Variants in TMC5 observed in about 807,000 individuals in gnomAD.
TMC5 encodes transmembrane channel like 5.
Under a neutral mutation model 110.5 loss-of-function variants are expected in TMC5, and 86 were observed. The ratio of observed to expected loss-of-function variants is 0.78; its 90% CI spans 0.65 to 0.93. The LOEUF is 0.93. Ranked by LOEUF, TMC5 falls within the 40% of genes least tolerant of loss-of-function variation. TMC5 has a pLI of 0.00. For synonymous variants in TMC5, 455 were observed against 439.5 expected (o/e 1.04, Z -0.44); for missense variants, 1,144 against 1,222.8 (o/e 0.94, Z 0.96).
At chr16:19,434,273 T>C (rs1567300482) in intron 2 of TMC5, among the ~76,000 whole-genome samples, 1 of 110,926 alleles carries the variant, frequency 9.0e-6, no homozygotes, top group Admixed American at 1.2e-4. Context: ...ATAATATATA[T>C]AGATCTATAT....
rs1968096835 is a variant in TMC5, at chr16:19,464,043, C to G, written c.1485+19C>G. 1.2e-6 allele frequency: 2 copies of G among 1,610,890 alleles called. No homozygotes were observed. The highest frequency in any genetic ancestry group is 4.5e-5 in the East Asian group (2 of 44,844). On this transcript the variant is annotated intron_variant, in intron 8 of 21. Coordinates refer to ENST00000542583, the MANE Select transcript of TMC5 (RefSeq NM_001261841.2). ...TGGGGTGGTAAGTCCTCCACTTCCC[C>G]TACCCCAAGTGCACCAATCACCTCG...
chr16:19,484,770 GAAAAAAA>G (rs79947486), intron 15 of TMC5, among the ~76,000 whole-genome samples: 2 of 103,986 alleles, frequency 1.9e-5, no homozygotes, highest in Non-Finnish European at 4.3e-5. Flanking sequence ...TCTCAAAAAG[GAAAAAAA>G]AAAAAAAAAG....
chr16:19,492,912 T>TTCTATATATATATATATATATA (rs1968943130), intron 19 of TMC5, among the ~76,000 whole-genome samples: 1 of 55,420 alleles, frequency 1.8e-5, no homozygotes, highest in African/African-American at 4.5e-5. Flanking sequence ...TTATTAAAAC[T>TTCTATATATATATATATATATA]TAGATATATA....
chr16:19,442,734 A>G (rs1229858296), intron 3 of TMC5, among the ~76,000 whole-genome samples: 1 of 152,190 alleles, frequency 6.6e-6, no homozygotes, highest in Non-Finnish European at 1.5e-5. Flanking sequence ...TGTTTCTACT[A>G]GTAATATTTA....
intron 19 of TMC5, among the ~76,000 whole-genome samples, chr16:19,492,942 A>ATATATATAT (rs57619005): frequency 4.6e-4 from 50 of 107,538 alleles, no homozygotes; most frequent in Non-Finnish European, 6.7e-4. Flanking sequence ...ATCTCTCTAT[A>ATATATATAT]AGATAAATAC....
chr16:19,491,142 T>C (rs912663034), intron 18 of TMC5, among the ~76,000 whole-genome samples: 1 of 152,080 alleles, frequency 6.6e-6, no homozygotes, highest in Non-Finnish European at 1.5e-5. Context: ...CCCAAGTAGC[T>C]GGGCTTGCAG....
chr16:19,463,680 CCA>C, intron 7 of TMC5, 94 bp from the exon 8 acceptor site: 1 of 1,446,438 alleles, frequency 6.9e-7, no homozygotes. Flanking sequence ...TAACAATACT[CCA>C]GACATGGTGG....
At position 19,479,479 on chromosome 16, in the gene TMC5, G is replaced by C. The variant is rs775432891; in HGVS notation, c.2218G>C (p.Asp740His). 31 of 1,613,954 alleles carry C rather than the reference G, an allele frequency of 1.9e-5. 1 individual carries two copies. In the South Asian group the frequency reaches 3.0e-4, roughly 15 times the overall value. Residue 740 changes from aspartate (D) to histidine (H), a missense_variant, in exon 14 of 22, where the codon GAT (aspartate) becomes CAT (histidine). Physicochemically the swap from Asp to His is moderately conservative, Grantham distance 81 (BLOSUM62 -1). Transcript: ENST00000542583. Reference protein sequence around the residue: ...GQDIYRLLLMDFVFSLVNSFL... With the variant: ...GQDIYRLLLMHFVFSLVNSFL... ...GGACATCTACCGGCTCCTTCTGATG[G>C]ATTTTGTGTTCTCTTTAGTCAATTC... is the stretch of plus-strand genomic sequence containing the variant.
chr16:19,459,478 G>A (rs1414319491), intron 5 of TMC5, among the ~76,000 whole-genome samples: 3 of 152,054 alleles, frequency 2.0e-5, no homozygotes, highest in Non-Finnish European at 2.9e-5. Context: ...GAAGTGATGT[G>A]GGATATTAAA....
chr16:19,462,112 T>C (rs746290685), intron 6 of TMC5, among the ~76,000 whole-genome samples: 1 of 152,198 alleles, frequency 6.6e-6, no homozygotes, highest in Non-Finnish European at 1.5e-5. Flanking sequence ...CAACTGTGAC[T>C]GTGTCTTTCT....
intron 3 of TMC5, 62 bp from the exon 4 acceptor site, chr16:19,444,013 ATGGATG>A (rs1967553692): frequency 1.4e-6 from 2 of 1,419,446 alleles, no homozygotes; most frequent in East Asian, 4.6e-5. Context: ...GGATGGATGG[ATGGATG>A]GATGGATGAC....
At chr16:19,479,190 T>C (rs1159983108) in intron 13 of TMC5, among the ~76,000 whole-genome samples, 1 of 151,998 alleles carries the variant, frequency 6.6e-6, no homozygotes, top group Admixed American at 6.6e-5. Flanking sequence ...CAGGGAAAGT[T>C]TGGGTATGTG....
At chr16:19,448,478 G>A (rs1163311082) in intron 4 of TMC5, among the ~76,000 whole-genome samples, 1 of 151,858 alleles carries the variant, frequency 6.6e-6, no homozygotes, top group Admixed American at 6.6e-5. Flanking sequence ...TATTAGCCAG[G>A]CATGGTGGTG....
At chr16:19,427,702 G>A (rs543274021) in intron 1 of TMC5, among the ~76,000 whole-genome samples, 3 of 151,844 alleles carry the variant, frequency 2.0e-5, no homozygotes, top group Non-Finnish European at 4.4e-5. Flanking sequence ...GTACATTTTA[G>A]GATGTTTAAC....
At chr16:19,458,913 G>T (rs1967951707) in intron 5 of TMC5, among the ~76,000 whole-genome samples, 1 of 152,132 alleles carries the variant, frequency 6.6e-6, no homozygotes, top group African/African-American at 2.4e-5. Context: ...CTGTCCCTCA[G>T]CCACCCTCGG....
In TMC5 at chr16:19,490,490, G is replaced by A; in HGVS notation, c.2669G>A (p.Gly890Asp). 9 of 1,614,116 alleles carry A rather than the reference G, an allele frequency of 5.6e-6. No homozygotes were observed. The highest frequency in any genetic ancestry group is 7.6e-6 in the Non-Finnish European group (9 of 1,180,034). The change falls in exon 18 of 22, where the codon GGC becomes GAC. Residue 890 changes from glycine to aspartate, a missense_variant. Coordinates refer to ENST00000542583, the MANE Select transcript of TMC5 (RefSeq NM_001261841.2). Reference protein sequence around the residue: ...SWIDTLSTRPGYLWVVWIYRN... With the variant: ...SWIDTLSTRPDYLWVVWIYRN... ...ATCGACACCCTAAGTACACGGCCTG[G>A]CTACCTGTGGGTTGTTTGGATCTAT... is the stretch of plus-strand genomic sequence containing the variant.
At chr16:19,493,055 G>A (rs563105628) in intron 19 of TMC5, among the ~76,000 whole-genome samples, 5 of 150,874 alleles carry the variant, frequency 3.3e-5, no homozygotes, top group Middle Eastern at 3.5e-3. Flanking sequence ...TCCGCCTCCC[G>A]GGTTCAAGCA....
upstream of TMC5, among the ~76,000 whole-genome samples, chr16:19,417,392 C>T (rs1048315815): frequency 7.1e-6 from 1 of 141,640 alleles, no homozygotes; most frequent in African/African-American, 2.7e-5. Context: ...GCACTCCAGC[C>T]GAGGTGACAG....
rs374724962 is a variant in TMC5 at position 19,490,526 on chromosome 16, T to C, written c.2705T>C (p.Ile902Thr). ...LWVVWIYRNLIGSVHFFFILT... is the reference protein window; with the variant it reads ...LWVVWIYRNLTGSVHFFFILT... ...GTTGTTTGGATCTATCGGAACCTCATTGGAAGTGTGCACTTCTTTTTCATC... is the reference window on the plus strand; with the variant it reads ...GTTGTTTGGATCTATCGGAACCTCACTGGAAGTGTGCACTTCTTTTTCATC... Residue 902 changes from isoleucine to threonine, a missense_variant, in exon 18 of 22, where the codon ATT becomes ACT. Physicochemically the swap from Ile to Thr is moderately conservative, Grantham distance 89. Transcript: ENST00000542583. The C allele has an allele frequency of 2.3e-5, 37 of 1,614,138 alleles. No homozygotes were observed. Among genetic ancestry groups the C allele is most frequent in the East Asian group, 1.3e-4 (6 of 44,864 alleles).
Sources: allele counts gnomAD v4.1 joint callset (sites outside exome capture counted in the v4.1 genomes callset), GRCh38; gene constraint gnomAD v4.1.1; transcripts MANE v1.5; gene names NCBI Gene and HGNC (gene_info 2026-07-23, HGNC 2026-07-21).